Variants in CACNA1A observed in about 807,000 individuals in gnomAD.
CACNA1A encodes the protein voltage-dependent P/Q-type calcium channel subunit alpha-1A.
Under a neutral mutation model 262.4 loss-of-function variants are expected in CACNA1A, and 57 were observed. The observed-to-expected ratio is 0.22, with a 90% CI of 0.18 to 0.27. The LOEUF (loss-of-function observed/expected upper bound fraction) is 0.27. CACNA1A is among the 10% of genes least tolerant of loss of function. The pLI is 1.00. For synonymous variants in CACNA1A, 1,431 were observed against 1,419.3 expected (o/e 1.01, Z -0.18); for missense variants, 2,526 against 3,562.8 (o/e 0.71, Z 7.41).
intron 6 of CACNA1A, among the ~76,000 whole-genome samples, chr19:13,343,582 C>A (rs184825392): frequency 2.6e-5 from 4 of 152,180 alleles, no homozygotes; most frequent in Admixed American, 2.0e-4. Context: ...TGTTAGGCCA[C>A]AAAACAACTC....
At chr19:13,392,091 G>A (rs2059720709) in intron 3 of CACNA1A, among the ~76,000 whole-genome samples, 1 of 151,470 alleles carries the variant, frequency 6.6e-6, no homozygotes, top group South Asian at 2.1e-4. Context: ...CATGTCTGTG[G>A]TCCCAGCTAC....
intron 3 of CACNA1A, among the ~76,000 whole-genome samples, chr19:13,432,090 T>G (rs1407468416): frequency 9.5e-5 from 10 of 105,532 alleles, no homozygotes; most frequent in Middle Eastern, 7.7e-3. Context: ...AGCAAGAGAG[T>G]GAGACTCCGT....
chr19:13,453,809 ATT>A (rs958727794), intron 2 of CACNA1A, among the ~76,000 whole-genome samples: 2 of 150,374 alleles, frequency 1.3e-5, no homozygotes, highest in African/African-American at 2.4e-5. Flanking sequence ...TGCCTGAATG[ATT>A]TTTTTTTTCC....
intron 3 of CACNA1A, among the ~76,000 whole-genome samples, chr19:13,387,029 G>A (rs1227786402): frequency 6.6e-6 from 1 of 151,282 alleles, no homozygotes; most frequent in East Asian, 2.0e-4. Flanking sequence ...TGGGCTCACT[G>A]CAACTTCCAC....
intron 6 of CACNA1A, among the ~76,000 whole-genome samples, chr19:13,347,351 C>T (rs2058810619): frequency 6.6e-6 from 1 of 151,964 alleles, no homozygotes; most frequent in African/African-American, 2.4e-5. Context: ...ATCATAATGG[C>T]CACGGTGCCC....
At position 13,207,842 on chromosome 19, in the gene CACNA1A, C is replaced by T. The variant is rs1015140281; in HGVS notation, c.6992G>A (p.Gly2331Asp). 2.3e-5 allele frequency: 34 copies of T among 1,468,804 alleles called. No individual in the cohort carries two copies. In the East Asian group the frequency reaches 9.5e-4, roughly 41 times the overall value. The allele number at this position is 1,468,804 out of a possible 1,614,324, so 91.0% of individuals were successfully genotyped here. A position where few individuals can be genotyped will look rare whatever the true frequency, so the allele number is the denominator to read the frequency against. The part of the protein sequence containing the change: ...QQQQQAVARP[G>D]RAATSGPRRY... Reference sequence around the variant, plus strand: ...CCGAGGGCCGCTGGTGGCCGCCCGGCCCGGCCTGGCCACCGCCTGCTGCTG... The same window carrying T: ...CCGAGGGCCGCTGGTGGCCGCCCGGTCCGGCCTGGCCACCGCCTGCTGCTG... Residue 2331 changes from glycine to aspartate, a missense_variant, in exon 47 of 47, where the codon GGC becomes GAC. Transcript: ENST00000360228. The surrounding 1 kb of genome is among the most constrained non-coding windows in gnomAD (Gnocchi z 5.7).
chr19:13,227,399 C>T (rs754172269), intron 37 of CACNA1A, 32 bp downstream of exon 37: 2 of 1,173,626 alleles, frequency 1.7e-6, no homozygotes, highest in Non-Finnish European at 1.2e-6. Context: ...AACCCAGTGC[C>T]TGGACGTCGG....
chr19:13,398,824 C>T (rs144946929), intron 3 of CACNA1A, among the ~76,000 whole-genome samples: 37 of 152,296 alleles, frequency 2.4e-4, no homozygotes, highest in African/African-American at 8.9e-4. Flanking sequence ...CAGGAAGTAG[C>T]GGTCATGATT....
At position 13,231,860 on chromosome 19, in the gene CACNA1A, C is replaced by T. The variant is rs1429371510; in HGVS notation, c.5250G>A (p.Arg1750=). The stretch of plus-strand genomic sequence containing the variant: ...TGTGCCAAGCTTCCCCGGTGGCACT[C>T]CTGAGGACAGGGAGAAATCAGAGAC... ...TFFQALMLLF[R]SATGEAWHNI... Residue 1750 remains arginine (R), a splice_region_variant and synonymous_variant, in exon 35 of 47, where the codon CGG becomes CGA. Transcript: ENST00000360228. 6.2e-7 allele frequency: 1 copy of T among 1,612,346 alleles called. No individual in the cohort carries two copies. Among genetic ancestry groups the T allele is most frequent in the African/African-American group, 1.3e-5 (1 of 74,880 alleles).
chr19:13,460,254 G>A (rs969933186), intron 1 of CACNA1A, among the ~76,000 whole-genome samples: 5 of 152,278 alleles, frequency 3.3e-5, no homozygotes, highest in African/African-American at 4.8e-5. Context: ...TGTGTGCACC[G>A]GGAAGTTTAG....
In CACNA1A at chr19:13,317,152, A is replaced by G; in HGVS notation, c.1515T>C (p.Ile505=). 1 of 1,612,152 alleles carries G rather than the reference A, an allele frequency of 6.2e-7. No individual in the cohort carries two copies. Residue 505 remains isoleucine, a synonymous_variant, in exon 11 of 47, where the codon ATT becomes ATC. Coordinates refer to ENST00000360228, the MANE Select transcript of CACNA1A (RefSeq NM_001127222.2). ...GCCACTCGGGCTGGTTGTAGTGAAC[A>G]ATAGCAACACACAGCGTGTTGAGAG... ...LVALNTLCVA[I]VHYNQPEWLS...
chr19:13,282,801 C>T (rs773337737), intron 22 of CACNA1A, among the ~76,000 whole-genome samples: 4 of 152,126 alleles, frequency 2.6e-5, no homozygotes, highest in Admixed American at 6.5e-5. Flanking sequence ...ACCCACCATC[C>T]GCAAAGGGGC....
chr19:13,371,113 T>C (rs1234702012), intron 4 of CACNA1A: 1 of 152,270 alleles, frequency 6.6e-6, no homozygotes, highest in East Asian at 1.9e-4. Flanking sequence ...GTGAGTAATT[T>C]AACCTCCTTA....
intron 1 of CACNA1A, among the ~76,000 whole-genome samples, chr19:13,465,620 GA>G (rs1233720858): frequency 1.3e-5 from 2 of 152,094 alleles, no homozygotes; most frequent in Non-Finnish European, 2.9e-5. Context: ...GAATAGCTGG[GA>G]CTACAGGCAC....
intron 1 of CACNA1A, among the ~76,000 whole-genome samples, chr19:13,476,312 G>C (rs182531730): frequency 6.6e-6 from 1 of 152,078 alleles, no homozygotes; most frequent in Non-Finnish European, 1.5e-5. Context: ...CCACCCTCCC[G>C]GCCAGCAGGT....
At chr19:13,208,180 G>GGGA (rs376408077) in intron 46 of CACNA1A, 127 bp from the exon 47 acceptor site, 8 of 90,044 alleles carry the variant, frequency 8.9e-5, no homozygotes, top group South Asian at 9.9e-4. Context: ...GAGGGGGAGG[G>GGGA]GGAGGAGGAG....
Position 13,227,515 on chromosome 19 carries a change from A to T in CACNA1A, c.5541T>A (p.Pro1847=). ...TCAGCATCTGATACATGTCCAGGTA[A>T]GGCATGCGGCCCCTGGCAGCACCGA... ...EYDPAAWGRM[P]YLDMYQMLRH... is the part of the protein sequence containing the mutation. The change falls in exon 37 of 47, where the codon CCT becomes CCA. Residue 1847 remains proline, a synonymous_variant. Coordinates refer to ENST00000360228, the MANE Select transcript of CACNA1A (RefSeq NM_001127222.2). 1 of 1,584,900 alleles carries T rather than the reference A, an allele frequency of 6.3e-7. No individual in the cohort carries two copies. Among genetic ancestry groups the T allele is most frequent in the Non-Finnish European group, 8.6e-7 (1 of 1,163,804 alleles).
intron 6 of CACNA1A, among the ~76,000 whole-genome samples, chr19:13,350,721 G>A (rs2145209812): frequency 6.6e-6 from 1 of 152,184 alleles, no homozygotes; most frequent in South Asian, 2.1e-4. Flanking sequence ...AAAAAATTCT[G>A]GGCTGGTCAC....
At chr19:13,233,288 C>G (rs1313531431) in intron 34 of CACNA1A, among the ~76,000 whole-genome samples, 1 of 152,142 alleles carries the variant, frequency 6.6e-6, no homozygotes, top group Non-Finnish European at 1.5e-5. Flanking sequence ...TTCAGAGAGG[C>G]ATAACCTGCC....
Sources: gnomAD v4.1 joint callset for allele counts (sites outside exome capture counted in the v4.1 genomes callset) on GRCh38, gnomAD v4.1.1 for gene constraint, Gnocchi (gnomAD v3.1) non-coding constraint, MANE v1.5 for transcripts, NCBI Gene and HGNC (gene_info 2026-07-23, HGNC 2026-07-21) for gene names.